LANCL2: variants seen among roughly 807,000 people sequenced by gnomAD.
The protein encoded by LANCL2 is LanC like glutathione S-transferase 2.
LANCL2 carries 33 observed loss-of-function variants against 56.9 expected under a neutral mutation model. That is an observed-to-expected ratio of 0.58 (90% confidence interval 0.44 to 0.78). The LOEUF is 0.78. Among genes scored for constraint, LANCL2 ranks in the 30% least tolerant of loss-of-function variants. LANCL2 has a pLI of 0.00. For synonymous variants in LANCL2, 233 were observed against 228.2 expected (o/e 1.02, Z -0.19); for missense variants, 562 against 580.2 (o/e 0.97, Z 0.32).
At chr7:55,428,199 A>G (rs1790686326) in intron 7 of LANCL2, 176 bp from the exon 8 acceptor site, 1 of 617,088 alleles carries the variant, frequency 1.6e-6, no homozygotes, top group African/African-American at 1.8e-5. Flanking sequence ...CCGCAAGCAG[A>G]GCCTTGCTGG....
chr7:55,423,429 G>T (rs371389139), intron 6 of LANCL2, among the ~76,000 whole-genome samples: 4 of 152,210 alleles, frequency 2.6e-5, no homozygotes, highest in Admixed American at 2.6e-4. Context: ...TGGCCTCACT[G>T]TGTGATTTCA....
At chr7:55,370,430 A>G (rs911451442) in intron 1 of LANCL2, among the ~76,000 whole-genome samples, 3 of 152,256 alleles carry the variant, frequency 2.0e-5, no homozygotes, top group African/African-American at 7.2e-5. Flanking sequence ...CATAAATACC[A>G]TGAACTGTAG....
intron 5 of LANCL2, among the ~76,000 whole-genome samples, chr7:55,406,077 G>A (rs1418612198): frequency 6.6e-6 from 1 of 152,210 alleles, no homozygotes; most frequent in Non-Finnish European, 1.5e-5. Flanking sequence ...TGAGGGAGTG[G>A]AAAGGGAGCA....
At chr7:55,415,124 TCTTC>T (rs1790513565) in intron 6 of LANCL2, among the ~76,000 whole-genome samples, 1 of 152,198 alleles carries the variant, frequency 6.6e-6, no homozygotes, top group South Asian at 2.1e-4. Context: ...GGTGGCAAAT[TCTTC>T]CTTCTATTCA....
chr7:55,379,478 A>G (rs939113747), intron 1 of LANCL2, among the ~76,000 whole-genome samples: 2 of 152,300 alleles, frequency 1.3e-5, no homozygotes, highest in African/African-American at 4.8e-5. Context: ...CTGGGGCTGG[A>G]TGCCCTACTA....
intron 1 of LANCL2, among the ~76,000 whole-genome samples, chr7:55,381,360 A>C (rs552566986): frequency 3.9e-5 from 6 of 152,304 alleles, no homozygotes; most frequent in African/African-American, 9.6e-5. Flanking sequence ...TGATGAGATA[A>C]TGAGGAAAAG....
chr7:55,375,262 C>T (rs1463394323), intron 1 of LANCL2, among the ~76,000 whole-genome samples: 1 of 152,164 alleles, frequency 6.6e-6, no homozygotes, highest in African/African-American at 2.4e-5. Context: ...TGTATTTCCT[C>T]AAACTAGCAC....
At chr7:55,386,169 C>G (rs967565450) in intron 1 of LANCL2, among the ~76,000 whole-genome samples, 2 of 152,134 alleles carry the variant, frequency 1.3e-5, no homozygotes, top group African/African-American at 4.8e-5. Flanking sequence ...TTACAGGGTC[C>G]TGAGATGATA....
intron 8 of LANCL2, among the ~76,000 whole-genome samples, chr7:55,430,210 A>G (rs937119902): frequency 1.4e-4 from 22 of 152,258 alleles, no homozygotes; most frequent in Non-Finnish European, 1.5e-5. Context: ...TCTTTAAACA[A>G]AAACTTACAG....
chr7:55,379,058 G>A (rs988842907), intron 1 of LANCL2, among the ~76,000 whole-genome samples: 2 of 152,242 alleles, frequency 1.3e-5, no homozygotes, highest in African/African-American at 4.8e-5. Flanking sequence ...GTGAAGGCAG[G>A]AGAATGGTGT....
At chr7:55,428,502 G>A in intron 8 of LANCL2, 55 bp downstream of exon 8, 1 of 1,419,412 alleles carries the variant, frequency 7.0e-7, no homozygotes, top group Non-Finnish European at 1.0e-6. Flanking sequence ...TGGTTCTCCT[G>A]CCCTTGTGGA....
At chr7:55,385,958 G>T (rs28802433) in intron 1 of LANCL2, among the ~76,000 whole-genome samples, 2,736 of 152,278 alleles carry the variant, frequency 0.018, 82 homozygotes, top group African/African-American at 0.061. Flanking sequence ...CTGAGAAAAA[G>T]AATTCAGCGA....
chr7:55,370,474 CAGAG>C (rs1426675284), intron 1 of LANCL2, among the ~76,000 whole-genome samples: 2 of 152,206 alleles, frequency 1.3e-5, no homozygotes, highest in Non-Finnish European at 2.9e-5. Context: ...TTGAACTTGT[CAGAG>C]AGGTCATTGC....
At chr7:55,379,944 A>G (rs1266523502) in intron 1 of LANCL2, 1 of 152,248 alleles carries the variant, frequency 6.6e-6, no homozygotes, top group Admixed American at 6.5e-5. Flanking sequence ...TTTATCATTT[A>G]AGTGAGCATA....
intron 1 of LANCL2, among the ~76,000 whole-genome samples, chr7:55,369,144 A>C (rs1789909581): frequency 6.6e-6 from 1 of 152,168 alleles, no homozygotes; most frequent in Non-Finnish European, 1.5e-5. Context: ...CCCTGTTGAT[A>C]CGTTGATTTT....
rs181791061 is a variant in LANCL2 at position 55,408,950 on chromosome 7, C to G, written c.826-2957C>G. Among the ~76,000 whole-genome samples the G allele has an allele frequency of 5.4e-3, 785 of 146,388 alleles. 7 individuals are homozygous for G. Among genetic ancestry groups the G allele is most frequent in the African/African-American group, 0.017 (689 of 39,692 alleles). ...TGAGCCGAGATCGTGCCACTGCACT[C>G]CAGCCTGGGCGACAGTGAAACTCTG... On this transcript the variant is annotated intron_variant, in intron 5 of 8. Transcript: ENST00000254770.
At chr7:55,402,774 C>T (rs1303462137) in intron 5 of LANCL2, among the ~76,000 whole-genome samples, 3 of 123,444 alleles carry the variant, frequency 2.4e-5, no homozygotes, top group African/African-American at 6.5e-5. Context: ...GGGCGGTTGC[C>T]GGGCGGAGGG....
At chr7:55,382,666 G>GA (rs1470538683) in intron 1 of LANCL2, among the ~76,000 whole-genome samples, 12 of 152,086 alleles carry the variant, frequency 7.9e-5, no homozygotes, top group African/African-American at 2.9e-4. Context: ...TCCTGGGTGG[G>GA]ATCACAGAAC....
intron 1 of LANCL2, among the ~76,000 whole-genome samples, chr7:55,376,899 A>G (rs1790009531): frequency 6.6e-6 from 1 of 152,218 alleles, no homozygotes; most frequent in Admixed American, 6.5e-5. Context: ...TATACTCAAA[A>G]TTTGCTAATC....
Sources: gnomAD v4.1 joint callset for allele counts (sites outside exome capture counted in the v4.1 genomes callset) on GRCh38, gnomAD v4.1.1 for gene constraint, MANE v1.5 for transcripts, NCBI Gene and HGNC (gene_info 2026-07-23, HGNC 2026-07-21) for gene names.